Variants in OR2T6 observed in about 807,000 individuals in gnomAD.
OR2T6 encodes olfactory receptor family 2 subfamily T member 6, also known as olfactory receptor 2T6.
For synonymous variants in OR2T6, 174 were observed against 148.0 expected (o/e 1.18, Z -1.27); for missense variants, 424 against 391.6 (o/e 1.08, Z -0.70).
Position 248,388,625 on chromosome 1 carries a change from ACGGATGATGC to A in OR2T6, c.*91_*100del. 1.0e-6 allele frequency: 1 copy of A among 967,862 alleles called. No homozygotes were observed. Among genetic ancestry groups the A allele is most frequent in the Non-Finnish European group, 1.5e-6 (1 of 660,930 alleles). The allele number at this position is 967,862 out of a possible 1,614,324, so 60.0% of individuals were successfully genotyped here. A position where few individuals can be genotyped will look rare whatever the true frequency, so the allele number is the denominator to read the frequency against. ...TATATGGGGTCGTATCATGGATACC[ACGGATGATGC>A]TGACAGGAACTTTCAATACCAGCTG... On this transcript the variant is annotated 3_prime_UTR_variant, in exon 3 of 3. Transcript: ENST00000641644.
intron 2 of OR2T6, among the ~76,000 whole-genome samples, chr1:248,386,830 A>C (rs1312290948): frequency 1.3e-5 from 2 of 152,084 alleles, no homozygotes; most frequent in African/African-American, 4.8e-5. Flanking sequence ...TTTATCTTTC[A>C]TTGTCTGTGT....
chr1:248,385,390 A>G (rs1000895808), intron 2 of OR2T6, among the ~76,000 whole-genome samples: 1 of 152,198 alleles, frequency 6.6e-6, no homozygotes, highest in Non-Finnish European at 1.5e-5. Flanking sequence ...AGACACTTGC[A>G]AATTATTTTT....
At chr1:248,378,880 AT>A (rs1358590158) in intron 1 of OR2T6, among the ~76,000 whole-genome samples, 5 of 152,014 alleles carry the variant, frequency 3.3e-5, no homozygotes, top group South Asian at 2.1e-4. Flanking sequence ...TTATATAGAA[AT>A]TTTTTTTGTG....
At chr1:248,382,731 C>T (rs554826670) in intron 1 of OR2T6, among the ~76,000 whole-genome samples, 1 of 152,110 alleles carries the variant, frequency 6.6e-6, no homozygotes, top group East Asian at 1.9e-4. Flanking sequence ...ACCATGTTGG[C>T]CAGGCTGGTC....
chr1:248,388,742 A>T lies in OR2T6; in HGVS notation c.*207A>T. 2.2e-6 allele frequency: 1 copy of T among 463,948 alleles called. No homozygotes were observed. Among genetic ancestry groups the T allele is most frequent in the Admixed American group, 3.7e-5 (1 of 27,238 alleles). The allele number at this position is 463,948 out of a possible 1,614,324, so 28.7% of individuals were successfully genotyped here. ...CACACACAAATAATGCCAGAGTTCT[A>T]GAAACACCACTCATGTTTATTCTTC... On this transcript the variant is annotated 3_prime_UTR_variant, in exon 3 of 3. Coordinates refer to ENST00000641644, the MANE Select transcript of OR2T6 (RefSeq NM_001005471.2).
At chr1:248,380,139 ATATT>A (rs773477308) in intron 1 of OR2T6, among the ~76,000 whole-genome samples, 14 of 151,932 alleles carry the variant, frequency 9.2e-5, no homozygotes, top group Non-Finnish European at 2.1e-4. Context: ...AATTTTGACT[ATATT>A]TGTGTGTATG....
intron 1 of OR2T6, among the ~76,000 whole-genome samples, chr1:248,379,891 T>C: frequency 6.6e-6 from 1 of 152,102 alleles, no homozygotes; most frequent in East Asian, 1.9e-4. Context: ...ATACTTTAAG[T>C]TCTAGGGTAC....
chr1:248,390,662 A>T lies in OR2T6; in HGVS notation c.*2127A>T, dbSNP rs1661234644. ...CTCAACATCTCCTCAATCTTGTCAG[A>T]CTGTCTTGGACAACAGTATGTGCCA... On this transcript the variant is annotated 3_prime_UTR_variant, in exon 3 of 3. Transcript: ENST00000641644. 6.6e-6 allele frequency: 1 copy of T among 152,174 alleles called. No individual in the cohort carries two copies. The highest frequency in any genetic ancestry group is 6.5e-5 in the Admixed American group (1 of 15,272). The allele number at this position is 152,174 out of a possible 1,614,324, so 9.4% of individuals were successfully genotyped here.
rs542850887 is a variant in OR2T6 at position 248,390,432 on chromosome 1, T to C, written c.*1897T>C. 1 of 152,322 alleles carries C rather than the reference T, an allele frequency of 6.6e-6. No homozygotes were observed. The highest frequency in any genetic ancestry group is 6.5e-5 in the Admixed American group (1 of 15,298). The allele number at this position is 152,322 out of a possible 1,614,324, so 9.4% of individuals were successfully genotyped here. A position where few individuals can be genotyped will look rare whatever the true frequency, so the allele number is the denominator to read the frequency against. ...AGTGACGTTCTGCAGCGACTGAAGA[T>C]GGTGGGTGAATGAAAGATAGCCACA... On this transcript the variant is annotated 3_prime_UTR_variant, in exon 3 of 3. Transcript: ENST00000641644.
intron 2 of OR2T6, among the ~76,000 whole-genome samples, chr1:248,385,316 T>C (rs1238051040): frequency 1.3e-5 from 2 of 152,236 alleles, no homozygotes; most frequent in East Asian, 3.8e-4. Context: ...AAAAATTGAA[T>C]CGTTTCTGTG....
chr1:248,381,910 A>T lies in OR2T6; in HGVS notation c.-158-2801A>T, dbSNP rs76339254. ...CCTGTTTGAGCCACACATTACTCTC[A>T]ACTAAAATGTATCTAATGATATCGA... On this transcript the variant is annotated intron_variant, in intron 1 of 2. Coordinates refer to ENST00000641644, the MANE Select transcript of OR2T6 (RefSeq NM_001005471.2). 4.4e-3 allele frequency among the ~76,000 whole-genome samples: 664 copies of T among 152,190 alleles called. 8 individuals are homozygous for T. Among genetic ancestry groups the T allele is most frequent in the African/African-American group, 0.015 (638 of 41,520 alleles).
At chr1:248,387,525 C>G in intron 2 of OR2T6, 80 bp from the exon 3 acceptor site, 1 of 884,078 alleles carries the variant, frequency 1.1e-6, no homozygotes, top group East Asian at 2.5e-5. Flanking sequence ...ATAATGTTTA[C>G]ACAGACATGT....
At chr1:248,382,551 T>TTTTTG (rs1414175463) in intron 1 of OR2T6, among the ~76,000 whole-genome samples, 1 of 147,598 alleles carries the variant, frequency 6.8e-6, no homozygotes, top group Non-Finnish European at 1.5e-5. Flanking sequence ...TTTTTTTTTT[T>TTTTTG]AGATGGAGAC....
At chr1:248,379,446 A>G (rs982022855) in intron 1 of OR2T6, among the ~76,000 whole-genome samples, 6 of 152,176 alleles carry the variant, frequency 3.9e-5, no homozygotes, top group African/African-American at 1.4e-4. Context: ...AGAGCTGAGT[A>G]TCCAGGTCAC....
In OR2T6 at chr1:248,388,122, C is replaced by A. The variant is rs1450806102; in HGVS notation, c.514C>A (p.His172Asn). 1 of 1,614,040 alleles carries A rather than the reference C, an allele frequency of 6.2e-7. No homozygotes were observed. Among genetic ancestry groups the A allele is most frequent in the South Asian group, 1.1e-5 (1 of 91,062 alleles). ...ITMSLPFCAS[H>N]QINHFFCEAP... ...CATGAGTCTCCCGTTCTGTGCCTCT[C>A]ACCAAATCAATCACTTTTTCTGTGA... The change falls in exon 3 of 3, where the codon CAC becomes AAC. Residue 172 changes from histidine (H) to asparagine (N), a missense_variant. His to Asn is a moderately conservative substitution (Grantham distance 68). Transcript: ENST00000641644.
chr1:248,377,607 G>C (rs1051096358), intron 1 of OR2T6, among the ~76,000 whole-genome samples: 3 of 152,354 alleles, frequency 2.0e-5, no homozygotes, highest in Middle Eastern at 3.4e-3. Flanking sequence ...GTCACAGAAA[G>C]ACTCAAGATG....
chr1:248,386,913 T>C (rs1264370308), intron 2 of OR2T6, among the ~76,000 whole-genome samples: 1 of 152,234 alleles, frequency 6.6e-6, no homozygotes, highest in Non-Finnish European at 1.5e-5. Flanking sequence ...CTGTGCTTAT[T>C]TCATAACTAG....
chr1:248,386,536 C>T (rs1197044168), intron 2 of OR2T6, among the ~76,000 whole-genome samples: 1 of 152,040 alleles, frequency 6.6e-6, no homozygotes, highest in African/African-American at 2.4e-5. Flanking sequence ...AAGAAAAAAA[C>T]AGAAAGATCA....
intron 1 of OR2T6, among the ~76,000 whole-genome samples, chr1:248,382,987 A>G (rs1360837739): frequency 2.0e-5 from 3 of 152,224 alleles, no homozygotes; most frequent in Non-Finnish European, 4.4e-5. Flanking sequence ...TGTCATGGGT[A>G]AAGCACCGCA....
Sources: gnomAD v4.1 joint callset for allele counts (sites outside exome capture counted in the v4.1 genomes callset) on GRCh38, gnomAD v4.1.1 for gene constraint, MANE v1.5 for transcripts, NCBI Gene and HGNC (gene_info 2026-07-23, HGNC 2026-07-21) for gene names.